The following COL5A3 variants were observed in gnomAD, a reference collection of about 807,000 sequenced individuals.
COL5A3 encodes the protein collagen alpha-3(V) chain.
COL5A3 carries 172 observed loss-of-function variants against 250.0 expected under a neutral mutation model. That is an observed-to-expected ratio of 0.69 (90% CI 0.61 to 0.78). COL5A3 has a LOEUF of 0.78. COL5A3 is among the 30% of genes least tolerant of loss of function. The probability of loss-of-function intolerance (pLI) is 0.00; values close to 1 mark genes in which losing one functional copy is unlikely to be tolerated. For synonymous variants in COL5A3, 937 were observed against 900.4 expected (o/e 1.04, Z -0.73); for missense variants, 2,340 against 2,334.4 (o/e 1.00, Z -0.05).
chr19:9,973,449 G>T (rs368590757), intron 50 of COL5A3, 121 bp downstream of exon 50: 4 of 995,384 alleles, frequency 4.0e-6, no homozygotes, highest in Non-Finnish European at 6.0e-6. Context: ...AATCAGGGAC[G>T]GCCACAGGAC....
chr19:9,971,658 T>G (rs1599535770), intron 51 of COL5A3, among the ~76,000 whole-genome samples: 1 of 152,094 alleles, frequency 6.6e-6, no homozygotes, highest in African/African-American at 2.4e-5. Context: ...CCACAGATGC[T>G]AAAGCCCCTT....
intron 6 of COL5A3, among the ~76,000 whole-genome samples, chr19:10,002,144 G>A (rs527799552): frequency 4.6e-5 from 7 of 152,268 alleles, no homozygotes; most frequent in African/African-American, 1.7e-4. Context: ...AACATTCAGG[G>A]CCAGGCTCCC....
Position 9,968,638 on chromosome 19 carries a change from G to T in COL5A3, c.4206+37C>A. 1 of 1,604,148 alleles carries T rather than the reference G, an allele frequency of 6.2e-7. No individual in the cohort carries two copies. The highest frequency in any genetic ancestry group is 8.5e-7 in the Non-Finnish European group (1 of 1,173,372). On this transcript the variant is annotated intron_variant, in intron 58 of 66. Transcript: ENST00000264828. This position sits in a 1 kb window ranked among gnomAD's most constrained non-coding sequence, Gnocchi z 4.1. The stretch of plus-strand genomic sequence containing the variant: ...GCCAGGGAGGGAGGGAAAGAGGGGA[G>T]GAGATGGGGAAGAGAATAATGGAAT...
chr19:9,977,969 T>TAC (rs1216121535), intron 41 of COL5A3, among the ~76,000 whole-genome samples: 2 of 116,672 alleles, frequency 1.7e-5, no homozygotes, highest in Non-Finnish European at 4.0e-5. Flanking sequence ...TATATATATA[T>TAC]ATATATATAT....
intron 1 of COL5A3, among the ~76,000 whole-genome samples, chr19:10,006,453 GTT>G (rs35938123): frequency 6.7e-6 from 1 of 149,236 alleles, no homozygotes; most frequent in Non-Finnish European, 1.5e-5. Context: ...TGTTGACTCT[GTT>G]TTTTTTTTTC....
Position 9,962,837 on chromosome 19 carries a change from T to C in COL5A3, c.4833A>G (p.Thr1611=), listed in dbSNP as rs760485484. Residue 1611 remains threonine, a synonymous_variant, in exon 65 of 67, where the codon ACA becomes ACG. Coordinates refer to ENST00000264828, the MANE Select transcript of COL5A3 (RefSeq NM_015719.4). The part of the protein sequence containing the change: ...SKEKPGGWYS[T]FRRGKKFSYV... ...GACTCACCTTCTTCCCTCGACGGAA[T>C]GTGCTATACCAGCCTCCAGGCTTTT... The C allele has an allele frequency of 8.7e-6, 14 of 1,611,258 alleles. No individual in the cohort carries two copies. The highest frequency in any genetic ancestry group is 1.2e-5 in the Non-Finnish European group (14 of 1,178,688).
chr19:9,979,058 C>T, intron 39 of COL5A3, 74 bp downstream of exon 39: 2 of 1,463,964 alleles, frequency 1.4e-6, no homozygotes, highest in South Asian at 1.4e-5. Context: ...GGGCCCCCTC[C>T]CCCATGAGAC....
At chr19:9,996,943 A>T (rs2087282666) in intron 11 of COL5A3, 1 of 552,298 alleles carries the variant, frequency 1.8e-6, no homozygotes, top group Admixed American at 3.7e-5. Flanking sequence ...ATGGAGAGAC[A>T]TACAGAGACA....
chr19:9,979,763 G>A (rs2086978953), intron 37 of COL5A3, 76 bp downstream of exon 37: 2 of 1,386,462 alleles, frequency 1.4e-6, no homozygotes, highest in Admixed American at 4.2e-5. Context: ...TCTAGCCCAG[G>A]TGACAGAGTG....
intron 31 of COL5A3, among the ~76,000 whole-genome samples, chr19:9,983,075 G>T (rs927266085): frequency 6.6e-6 from 1 of 151,860 alleles, no homozygotes; most frequent in Non-Finnish European, 1.5e-5. Flanking sequence ...TGCCCAGGCT[G>T]GTCTTGAACT....
At position 10,001,674 on chromosome 19, in the gene COL5A3, A is replaced by G; in HGVS notation, c.964-4T>C. ...CACTGTCAGGGTCCAAGCTCCTCTG[A>G]GAACGTTAGGAAAGACCAAAGTTTT... is the stretch of plus-strand genomic sequence containing the variant. On this transcript the variant is annotated splice_polypyrimidine_tract_variant and splice_region_variant and intron_variant, in intron 7 of 66. Transcript: ENST00000264828. The G allele has an allele frequency of 6.2e-7, 1 of 1,613,946 alleles. No homozygotes were observed. Among genetic ancestry groups the G allele is most frequent in the Non-Finnish European group, 8.5e-7 (1 of 1,179,962 alleles).
rs151307334 is a variant in COL5A3 at position 9,980,687 on chromosome 19, A to G, written c.2565T>C (p.Asp855=). Reference sequence around the variant, plus strand: ...TCCCAGGGGCTCCATCCTGGCCCACATCGCCCTAGGACAGAGTGAATGAGA... The same window carrying G: ...TCCCAGGGGCTCCATCCTGGCCCACGTCGCCCTAGGACAGAGTGAATGAGA... ...GATGQPGPKG[D]VGQDGAPGIP... The change falls in exon 35 of 67, where the codon GAT becomes GAC. Residue 855 remains aspartate (D), a synonymous_variant. Coordinates refer to ENST00000264828, the MANE Select transcript of COL5A3 (RefSeq NM_015719.4). The G allele has an allele frequency of 4.8e-3, 7,762 of 1,613,930 alleles. 25 individuals carry two copies. Among genetic ancestry groups the G allele is most frequent in the Admixed American group, 7.7e-3 (460 of 59,992 alleles).
Position 10,005,624 on chromosome 19 carries a change from G to A in COL5A3, c.528C>T (p.Pro176=). The part of the protein sequence containing the change: ...EAQPPVLGHG[P]RFISIAGLTV... ...TGAGTCCAGCTATGCTGATGAAGCG[G>A]GGGCCATGGCCCAAAACAGGGGGCT... is the stretch of plus-strand genomic sequence containing the variant. Residue 176 remains proline (P), a synonymous_variant, in exon 4 of 67, where the codon CCC becomes CCT. Coordinates refer to ENST00000264828, the MANE Select transcript of COL5A3 (RefSeq NM_015719.4). The A allele has an allele frequency of 6.2e-7, 1 of 1,614,190 alleles. No homozygotes were observed.
rs185851641 is a variant in COL5A3 at position 10,001,134 on chromosome 19, A to C, written c.1110+390T>G. On this transcript the variant is annotated intron_variant, in intron 8 of 66. Transcript: ENST00000264828. Reference sequence around the variant, plus strand: ...AAAAAAGAAAAAATTAAATTAAATAATTTTTTTAAATTGTTCGGTTTTTTT... The same window carrying C: ...AAAAAAGAAAAAATTAAATTAAATACTTTTTTTAAATTGTTCGGTTTTTTT... Among the ~76,000 whole-genome samples the C allele has an allele frequency of 5.9e-4, 89 of 152,032 alleles. No individual in the cohort carries two copies. In the East Asian group the frequency reaches 0.016, roughly 28 times the overall value.
intron 12 of COL5A3, 26 bp from the exon 13 acceptor site, chr19:9,996,542 A>G: frequency 6.2e-7 from 1 of 1,613,426 alleles, no homozygotes; most frequent in Non-Finnish European, 8.5e-7. Context: ...TGGTGAGGGA[A>G]GCCCCCAGGA....
intron 1 of COL5A3, among the ~76,000 whole-genome samples, chr19:10,008,303 C>T (rs1293494654): frequency 6.6e-6 from 1 of 152,210 alleles, no homozygotes; most frequent in African/African-American, 2.4e-5. Flanking sequence ...TTCCCGGCAT[C>T]CAACTCAAAG....
rs760164983 is a variant in COL5A3, at chr19:9,980,616, ATT to A, written c.2604+30_2604+31del. ...ATCTCTCTCTCTCACACACACACAC[ATT>A]CACACACACACACACACACACACAC... On this transcript the variant is annotated intron_variant, in intron 35 of 66. Transcript: ENST00000264828. 562 of 1,551,334 alleles carry A rather than the reference ATT, an allele frequency of 3.6e-4. 1 individual carries two copies. In the African/African-American group the frequency reaches 9.1e-3, roughly 25 times the overall value.
Position 9,996,421 on chromosome 19 carries a change from C to A in COL5A3, c.1422+12G>T, listed in dbSNP as rs752955976. On this transcript the variant is annotated intron_variant, in intron 13 of 66. Transcript: ENST00000264828. ...TGGGGTTCCTCCCACTATGTCCACA[C>A]CTCCCACTCACCTGAGTCTGCTGCA... 1.2e-6 allele frequency: 2 copies of A among 1,613,422 alleles called. No individual in the cohort carries two copies. Among genetic ancestry groups the A allele is most frequent in the Non-Finnish European group, 8.5e-7 (1 of 1,179,836 alleles).
At position 9,993,842 on chromosome 19, in the gene COL5A3, C is replaced by A. The variant is rs761243775; in HGVS notation, c.1588-36G>T. ...AGTAAGCCCAAGAGTCAAGGATGAG[C>A]CTTCCCTGTACCCCTCCACCAAATT... On this transcript the variant is annotated intron_variant, in intron 16 of 66. Transcript: ENST00000264828. The A allele has an allele frequency of 2.4e-5, 39 of 1,602,746 alleles. No homozygotes were observed. The South Asian group carries it at 4.0e-4, about 16-fold the overall frequency.
Sources: allele counts gnomAD v4.1 joint callset (sites outside exome capture counted in the v4.1 genomes callset), GRCh38; gene constraint gnomAD v4.1.1; non-coding constraint Gnocchi (gnomAD v3.1); transcripts MANE v1.5; gene names NCBI Gene and HGNC (gene_info 2026-07-23, HGNC 2026-07-21).